RGS7: variants seen among roughly 807,000 people sequenced by gnomAD.
The protein encoded by RGS7 is regulator of G-protein signaling 7.
Under a neutral mutation model 81.1 loss-of-function variants are expected in RGS7, and 27 were observed. The ratio of observed to expected loss-of-function variants is 0.33; its 90% CI spans 0.25 to 0.46. RGS7 has a LOEUF of 0.46. Ranked by LOEUF, RGS7 falls within the 20% of genes least tolerant of loss-of-function variation. RGS7 has a pLI of 1.00. For synonymous variants in RGS7, 208 were observed against 207.7 expected (o/e 1.00, Z -0.01); for missense variants, 396 against 607.4 (o/e 0.65, Z 3.66).
chr1:241,017,751 T>C (rs1456191574), intron 3 of RGS7, among the ~76,000 whole-genome samples: 2 of 152,190 alleles, frequency 1.3e-5, no homozygotes, highest in Non-Finnish European at 2.9e-5. Flanking sequence ...TATCCTTTTC[T>C]TGATATGTTA....
intron 2 of RGS7, among the ~76,000 whole-genome samples, chr1:241,140,989 A>T (rs1452911045): frequency 1.3e-5 from 2 of 152,154 alleles, no homozygotes; most frequent in Non-Finnish European, 2.9e-5. Flanking sequence ...CACTTGCAGT[A>T]GGAGACAATT....
At chr1:241,343,208 G>A (rs2082677195) in intron 2 of RGS7, among the ~76,000 whole-genome samples, 1 of 150,916 alleles carries the variant, frequency 6.6e-6, no homozygotes, top group African/African-American at 2.4e-5. Context: ...CTTGCAGTGA[G>A]CTGAGATTGC....
intron 2 of RGS7, among the ~76,000 whole-genome samples, chr1:241,126,669 A>C (rs1316771515): frequency 6.6e-6 from 1 of 152,172 alleles, no homozygotes; most frequent in Non-Finnish European, 1.5e-5. Flanking sequence ...AAATGAGTTT[A>C]CCCCTCCTAC....
At chr1:241,074,763 G>A (rs2062692862) in intron 3 of RGS7, among the ~76,000 whole-genome samples, 1 of 152,182 alleles carries the variant, frequency 6.6e-6, no homozygotes, top group Non-Finnish European at 1.5e-5. Context: ...AGGTCAGGTT[G>A]TTACACAAAG....
At chr1:240,939,697 T>C (rs1677238476) in intron 4 of RGS7, among the ~76,000 whole-genome samples, 3 of 152,150 alleles carry the variant, frequency 2.0e-5, no homozygotes, top group Admixed American at 2.0e-4. Context: ...TAAAGATTCC[T>C]CTGGGAGGGG....
At chr1:241,266,560 T>C (rs1311167045) in intron 2 of RGS7, among the ~76,000 whole-genome samples, 1 of 152,234 alleles carries the variant, frequency 6.6e-6, no homozygotes, top group Non-Finnish European at 1.5e-5. Context: ...TTAGTCTCTA[T>C]AGAACACATT....
At chr1:241,020,850 G>C (rs1042370468) in intron 3 of RGS7, among the ~76,000 whole-genome samples, 1 of 152,130 alleles carries the variant, frequency 6.6e-6, no homozygotes, top group Admixed American at 6.6e-5. Context: ...ATGATCTACT[G>C]TATCAACTTA....
chr1:241,305,567 G>A (rs903365298), intron 2 of RGS7: 7 of 151,482 alleles, frequency 4.6e-5, no homozygotes, highest in African/African-American at 1.7e-4. Context: ...TCTTATGCAA[G>A]GGGGAAGGGG....
intron 6 of RGS7, among the ~76,000 whole-genome samples, chr1:240,900,148 G>A (rs1669743895): frequency 6.6e-6 from 1 of 152,060 alleles, no homozygotes; most frequent in Admixed American, 6.6e-5. Context: ...GGTCATTTAA[G>A]GTCTTCTCTA....
At chr1:240,813,193 T>C (rs562285759) in intron 13 of RGS7, among the ~76,000 whole-genome samples, 1 of 152,232 alleles carries the variant, frequency 6.6e-6, no homozygotes, top group Non-Finnish European at 1.5e-5. Flanking sequence ...ACAGTGTCTA[T>C]GGTAAGCTCA....
At chr1:240,890,218 TC>T (rs1668063808) in intron 6 of RGS7, among the ~76,000 whole-genome samples, 1 of 152,198 alleles carries the variant, frequency 6.6e-6, no homozygotes, top group African/African-American at 2.4e-5. Context: ...AGTGGCGCAA[TC>T]TCGGCTCACT....
At chr1:240,822,222 T>C (rs912581405) in intron 10 of RGS7, among the ~76,000 whole-genome samples, 2 of 152,212 alleles carry the variant, frequency 1.3e-5, no homozygotes, top group African/African-American at 4.8e-5. Flanking sequence ...AGACTGCCTT[T>C]TTTGTTGTTG....
At chr1:241,275,414 C>T (rs2148369159) in intron 2 of RGS7, among the ~76,000 whole-genome samples, 1 of 152,202 alleles carries the variant, frequency 6.6e-6, no homozygotes, top group South Asian at 2.1e-4. Context: ...TATAGCACAC[C>T]CCTAACAGGA....
At chr1:240,862,159 C>T (rs1320579130) in intron 9 of RGS7, among the ~76,000 whole-genome samples, 2 of 151,306 alleles carry the variant, frequency 1.3e-5, no homozygotes, top group Non-Finnish European at 2.9e-5. Context: ...ATTTTTTTTT[C>T]TGGAGTAAAT....
At chr1:240,840,923 T>C (rs1261244598) in intron 9 of RGS7, among the ~76,000 whole-genome samples, 1 of 151,792 alleles carries the variant, frequency 6.6e-6, no homozygotes, top group Non-Finnish European at 1.5e-5. Context: ...TGAGTTTTAT[T>C]TTCTGTTTGC....
chr1:240,801,378 A>G lies in RGS7; in HGVS notation c.1413+77T>C, dbSNP rs574405703. Reference sequence around the variant, plus strand: ...TTATATCAAGAATGCAAGGTGGGTAACAGGGCTAGAAATAGGGAAATTGGA... The same window carrying G: ...TTATATCAAGAATGCAAGGTGGGTAGCAGGGCTAGAAATAGGGAAATTGGA... On this transcript the variant is annotated intron_variant, in intron 17 of 18. Transcript: ENST00000440928. The G allele has an allele frequency of 1.8e-5, 16 of 899,796 alleles. No homozygotes were observed. The South Asian group carries it at 2.2e-4, about 12-fold the overall frequency. The allele number at this position is 899,796 out of a possible 1,614,324, so 55.7% of individuals were successfully genotyped here. A position where few individuals can be genotyped will look rare whatever the true frequency, so the allele number is the denominator to read the frequency against.
In RGS7 at chr1:241,291,570, C is replaced by CTTTTTTTTTTTTTTTTTT. The variant is rs397947911; in HGVS notation, c.78+64128_78+64129insAAAAAAAAAAAAAAAAAA. Among the ~76,000 whole-genome samples, 107 of 94,152 alleles carry CTTTTTTTTTTTTTTTTTT rather than the reference C, an allele frequency of 1.1e-3. 2 individuals are homozygous for CTTTTTTTTTTTTTTTTTT. Among genetic ancestry groups the CTTTTTTTTTTTTTTTTTT allele is most frequent in the African/African-American group, 2.5e-3 (60 of 24,350 alleles). 61.8% of individuals were successfully genotyped at this position (94,152 alleles called of 152,430 possible). A position where few individuals can be genotyped will look rare whatever the true frequency, so the allele number is the denominator to read the frequency against. ...CCTTTCTGGCTCAGAGAATTCCCAG[C>CTTTTTTTTTTTTTTTTTT]TTTTTTTTTTTTTTTTTGCTTTTTT... is the stretch of plus-strand genomic sequence containing the variant. On this transcript the variant is annotated intron_variant, in intron 2 of 18. Transcript: ENST00000440928.
At chr1:241,347,577 A>T (rs1490328728) in intron 2 of RGS7, among the ~76,000 whole-genome samples, 1 of 152,172 alleles carries the variant, frequency 6.6e-6, no homozygotes, top group African/African-American at 2.4e-5. Flanking sequence ...TCTTGTTAGG[A>T]ATTGGAGTGG....
chr1:241,060,497 C>T (rs2061687404), intron 3 of RGS7, among the ~76,000 whole-genome samples: 1 of 152,092 alleles, frequency 6.6e-6, no homozygotes, highest in Admixed American at 6.5e-5. Flanking sequence ...CCCAGTTTTC[C>T]TCTTAAGGAA....
Sources: gnomAD v4.1 joint callset for allele counts (sites outside exome capture counted in the v4.1 genomes callset) on GRCh38, gnomAD v4.1.1 for gene constraint, MANE v1.5 for transcripts, NCBI Gene and HGNC (gene_info 2026-07-23, HGNC 2026-07-21) for gene names.